Variants in LMO7 observed in about 807,000 individuals in gnomAD.
The protein encoded by LMO7 is LIM domain 7, also known as LIM domain only protein 7.
A neutral mutation model predicts 206.5 loss-of-function variants in LMO7; 120 were observed. That is an observed-to-expected ratio of 0.58 (90% CI 0.50 to 0.68). The LOEUF (loss-of-function observed/expected upper bound fraction) is 0.68. LMO7 is among the 30% of genes least tolerant of loss of function. The probability of loss-of-function intolerance (pLI) is 0.00; values close to 1 mark genes in which losing one functional copy is unlikely to be tolerated. For missense variants in LMO7, 1,959 were observed against 1,957.9 expected, an observed-to-expected ratio of 1.00 and a Z score of -0.01; for synonymous variants, 706 against 681.5, an observed-to-expected ratio of 1.04 and a Z score of -0.56.
intron 4 of LMO7, among the ~76,000 whole-genome samples, chr13:75,764,105 A>G (rs983416330): frequency 2.6e-5 from 4 of 151,868 alleles, no homozygotes; most frequent in Non-Finnish European, 5.9e-5. Context: ...TTATTTAGGG[A>G]CTACATGTAT....
intron 1 of LMO7, among the ~76,000 whole-genome samples, chr13:75,658,533 C>G (rs1182847891): frequency 6.6e-6 from 1 of 151,992 alleles, no homozygotes; most frequent in Non-Finnish European, 1.5e-5. Flanking sequence ...AATCTAGGAA[C>G]TTCATAGTTT....
Position 75,821,378 on chromosome 13 carries a change from C to A in LMO7, c.2409C>A (p.Asp803Glu). 1 of 1,614,100 alleles carries A rather than the reference C, an allele frequency of 6.2e-7. No homozygotes were observed. The highest frequency in any genetic ancestry group is 1.7e-5 in the Admixed American group (1 of 60,030). The change falls in exon 14 of 31, where the codon GAC becomes GAA. Residue 803 changes from aspartate (D) to glutamate (E), a missense_variant. Physicochemically the swap from Asp to Glu is conservative, Grantham distance 45. Transcript: ENST00000377534. Reference sequence around the variant, plus strand: ...CTACCACTTTTGCAAAAAGAGAGGACCGTGTAACAACTGAAATTCAGCTTC... The same window carrying A: ...CTACCACTTTTGCAAAAAGAGAGGAACGTGTAACAACTGAAATTCAGCTTC... ...EDSTTFAKRE[D>E]RVTTEIQLPS... is the part of the protein sequence containing the mutation.
chr13:75,848,616 C>A (rs1167077809), intron 26 of LMO7, among the ~76,000 whole-genome samples: 1 of 73,092 alleles, frequency 1.4e-5, no homozygotes, highest in East Asian at 2.8e-4. Context: ...GGGTGGATAC[C>A]CAGTATATAT....
intron 1 of LMO7, among the ~76,000 whole-genome samples, chr13:75,701,446 A>G (rs1475016332): frequency 1.3e-5 from 2 of 152,206 alleles, no homozygotes; most frequent in African/African-American, 4.8e-5. Flanking sequence ...TGCCTTTCCT[A>G]GTAATTCACA....
chr13:75,851,270 G>C (rs1390719428), intron 27 of LMO7, among the ~76,000 whole-genome samples: 3 of 152,198 alleles, frequency 2.0e-5, no homozygotes, highest in African/African-American at 7.2e-5. Flanking sequence ...TGGAAAAGAA[G>C]TTATTGAAAA....
At chr13:75,797,023 A>G (rs754830460) in intron 6 of LMO7, among the ~76,000 whole-genome samples, 5 of 152,202 alleles carry the variant, frequency 3.3e-5, no homozygotes, top group Non-Finnish European at 7.4e-5. Context: ...TTGATGACAC[A>G]TGCATTGGCT....
At chr13:75,825,433 G>C (rs1427230895) in intron 15 of LMO7, among the ~76,000 whole-genome samples, 1 of 152,142 alleles carries the variant, frequency 6.6e-6, no homozygotes, top group African/African-American at 2.4e-5. Context: ...TGTGGATTAA[G>C]GAAAAGAGGC....
At chr13:75,784,434 G>A (rs968674807) in intron 4 of LMO7, among the ~76,000 whole-genome samples, 2 of 152,024 alleles carry the variant, frequency 1.3e-5, no homozygotes, top group African/African-American at 4.8e-5. Flanking sequence ...TTTTCCTCAT[G>A]GTTGAAAATT....
At chr13:75,680,899 C>T (rs1002305117) in intron 1 of LMO7, among the ~76,000 whole-genome samples, 5 of 152,050 alleles carry the variant, frequency 3.3e-5, no homozygotes, top group Non-Finnish European at 7.4e-5. Context: ...GGTTTTGATT[C>T]GCATTTCGCT....
chr13:75,732,607 A>G (rs1357902913), intron 3 of LMO7, among the ~76,000 whole-genome samples: 1 of 152,130 alleles, frequency 6.6e-6, no homozygotes, highest in Non-Finnish European at 1.5e-5. Context: ...GATTGTCTGA[A>G]GCCTTCTTCT....
intron 2 of LMO7, among the ~76,000 whole-genome samples, chr13:75,626,595 A>ATATATATATTTTTTTT: frequency 1.4e-5 from 1 of 71,100 alleles, no homozygotes; most frequent in Non-Finnish European, 3.6e-5. Context: ...ATATATATAA[A>ATATATATATTTTTTTT]TTTTTTTGAG....
intron 4 of LMO7, among the ~76,000 whole-genome samples, chr13:75,770,355 C>T (rs1376864009): frequency 2.0e-5 from 3 of 151,946 alleles, no homozygotes; most frequent in African/African-American, 4.8e-5. Flanking sequence ...GGGAGTTTGG[C>T]TAGAGCCTCA....
At chr13:75,798,457 A>G (rs1005162896) in intron 6 of LMO7, among the ~76,000 whole-genome samples, 5 of 152,198 alleles carry the variant, frequency 3.3e-5, no homozygotes, top group African/African-American at 1.2e-4. Flanking sequence ...AGGTTGAATA[A>G]TCCTAGTACA....
chr13:75,712,015 GA>G (rs1208866205), intron 1 of LMO7, among the ~76,000 whole-genome samples: 2 of 152,162 alleles, frequency 1.3e-5, no homozygotes, highest in Non-Finnish European at 2.9e-5. Context: ...CAACCTCTGA[GA>G]AACACAACCA....
At chr13:75,621,852 AGTCTGC>A in exon 1 of LMO7, 1 of 1,597,462 alleles carries the variant, frequency 6.3e-7, no homozygotes, top group Admixed American at 1.7e-5. Flanking sequence ...TCAGGGACAG[AGTCTGC>A]AGCAAAAAAG....
At chr13:75,653,703 C>T (rs941304897) in intron 1 of LMO7, among the ~76,000 whole-genome samples, 2 of 152,120 alleles carry the variant, frequency 1.3e-5, no homozygotes, top group African/African-American at 2.4e-5. Context: ...TGTAGTGGCT[C>T]AGGTATTTTG....
In LMO7 at chr13:75,807,845, G is replaced by A. The variant is rs747051266; in HGVS notation, c.1562G>A (p.Arg521Gln). 1.5e-5 allele frequency: 24 copies of A among 1,613,780 alleles called. No homozygotes were observed. Among genetic ancestry groups the A allele is most frequent in the East Asian group, 1.1e-4 (5 of 44,896 alleles). Residue 521 changes from arginine to glutamine, a missense_variant, in exon 10 of 31, where the codon CGA becomes CAA. By Grantham distance (43) the Arg-to-Gln change is conservative. Coordinates refer to ENST00000377534, the MANE Select transcript of LMO7 (RefSeq NM_001306080.2). Reference sequence around the variant, plus strand: ...GAAAAAGATGATATGATTGTTCGCCGAATTCCAGCACAGAAGAAAGAAGTG... The same window carrying A: ...GAAAAAGATGATATGATTGTTCGCCAAATTCCAGCACAGAAGAAAGAAGTG... ...DLEKDDMIVR[R>Q]IPAQKKEVPL...
intron 1 of LMO7, among the ~76,000 whole-genome samples, chr13:75,676,768 C>A (rs1594215392): frequency 6.6e-6 from 1 of 152,072 alleles, no homozygotes; most frequent in East Asian, 1.9e-4. Context: ...GAGGATAACC[C>A]CCTCCCAACT....
chr13:75,643,857 C>G (rs531119284), intron 1 of LMO7, among the ~76,000 whole-genome samples: 2 of 152,278 alleles, frequency 1.3e-5, no homozygotes, highest in African/African-American at 2.4e-5. Context: ...GTAGTATGCT[C>G]AAAGACTGGT....
Sources: allele counts gnomAD v4.1 joint callset (sites outside exome capture counted in the v4.1 genomes callset), GRCh38; gene constraint gnomAD v4.1.1; transcripts MANE v1.5; gene names NCBI Gene and HGNC (gene_info 2026-07-23, HGNC 2026-07-21).